Variants in STX8 observed in about 807,000 individuals in gnomAD.
The protein encoded by STX8 is syntaxin 8, also known as syntaxin-8.
STX8 carries 23 observed loss-of-function variants against 37.5 expected under a neutral mutation model. The ratio of observed to expected loss-of-function variants is 0.61; its 90% CI spans 0.44 to 0.87. The LOEUF is 0.87. Among genes scored for constraint, STX8 ranks in the 40% least tolerant of loss-of-function variants. The pLI, the probability that STX8 is intolerant of heterozygous loss-of-function variation, is 0.00. For synonymous variants in STX8, 115 were observed against 99.1 expected, an observed-to-expected ratio of 1.16 and a Z score of -0.95; for missense variants, 313 against 284.7, an observed-to-expected ratio of 1.10 and a Z score of -0.71.
intron 7 of STX8, among the ~76,000 whole-genome samples, chr17:9,276,632 T>G (rs149081559): frequency 0.029 from 4,338 of 151,204 alleles, 212 homozygotes; most frequent in African/African-American, 0.098. Context: ...TTGTTTGTTT[T>G]TTTTTTTTGG....
At chr17:9,557,209 C>T (rs886512364) in intron 3 of STX8, 1 of 464,788 alleles carries the variant, frequency 2.2e-6, no homozygotes, top group Non-Finnish European at 4.0e-6. Context: ...ACAGGTTATA[C>T]CCAAATAAGT....
intron 7 of STX8, among the ~76,000 whole-genome samples, chr17:9,294,316 C>G (rs562374989): frequency 6.6e-6 from 1 of 152,202 alleles, no homozygotes; most frequent in Non-Finnish European, 1.5e-5. Context: ...GAAGAGAACT[C>G]GTATTTTCTG....
chr17:9,554,531 A>C (rs1254475414), intron 3 of STX8: 3 of 152,208 alleles, frequency 2.0e-5, no homozygotes, highest in Non-Finnish European at 4.4e-5. Flanking sequence ...GGTTAGGGGA[A>C]GGGAAGATGG....
chr17:9,378,331 A>G (rs1911670964), intron 7 of STX8: 1 of 469,616 alleles, frequency 2.1e-6, no homozygotes. Flanking sequence ...ATTAAAAACA[A>G]AAACAACAAC....
At chr17:9,432,529 T>C (rs1253541688) in intron 6 of STX8, among the ~76,000 whole-genome samples, 5 of 152,118 alleles carry the variant, frequency 3.3e-5, no homozygotes, top group Admixed American at 6.5e-5. Context: ...TAGTCACACA[T>C]AGGCCACACT....
intron 5 of STX8, among the ~76,000 whole-genome samples, chr17:9,492,943 A>C (rs1255562166): frequency 6.6e-6 from 1 of 152,088 alleles, no homozygotes; most frequent in Non-Finnish European, 1.5e-5. Flanking sequence ...AAAATACAAA[A>C]AAAAATTAGC....
intron 7 of STX8, among the ~76,000 whole-genome samples, chr17:9,325,693 C>T (rs1333654429): frequency 6.6e-6 from 1 of 152,212 alleles, no homozygotes; most frequent in Non-Finnish European, 1.5e-5. Flanking sequence ...AAATACTTCC[C>T]AGTAGACTGG....
intron 6 of STX8, among the ~76,000 whole-genome samples, chr17:9,431,451 TTG>T (rs1567558222): frequency 6.8e-6 from 1 of 147,380 alleles, no homozygotes; most frequent in African/African-American, 2.5e-5. Context: ...TGTTGTTGTT[TTG>T]TTTTTTTTGT....
Position 9,523,240 on chromosome 17 carries a change from A to T in STX8, c.324-18078T>A, listed in dbSNP as rs550690860. Among the ~76,000 whole-genome samples the T allele has an allele frequency of 4.6e-4, 69 of 150,434 alleles. No individual in the cohort carries two copies. In the South Asian group the frequency reaches 0.012, roughly 27 times the overall value. On this transcript the variant is annotated intron_variant, in intron 4 of 7. Coordinates refer to ENST00000306357, the MANE Select transcript of STX8 (RefSeq NM_004853.3). ...GGCAGGAGAATCACTCGAACCCAGG[A>T]GGCAGAGGTTGCAGTGAGCCGAGAT...
At chr17:9,375,579 G>A (rs1312640522) in intron 7 of STX8, among the ~76,000 whole-genome samples, 4 of 152,096 alleles carry the variant, frequency 2.6e-5, no homozygotes, top group Non-Finnish European at 4.4e-5. Flanking sequence ...TCCTGCTCTA[G>A]ACATATAGTA....
intron 4 of STX8, among the ~76,000 whole-genome samples, chr17:9,514,477 C>T (rs1319068359): frequency 1.3e-5 from 2 of 151,950 alleles, no homozygotes; most frequent in Non-Finnish European, 2.9e-5. Context: ...TGGTGGCGGG[C>T]GCCTGTAATC....
At chr17:9,326,821 G>A (rs1909768327) in intron 7 of STX8, among the ~76,000 whole-genome samples, 1 of 152,210 alleles carries the variant, frequency 6.6e-6, no homozygotes, top group Non-Finnish European at 1.5e-5. Flanking sequence ...AGGCATAACA[G>A]ATTTATTTAA....
intron 6 of STX8, among the ~76,000 whole-genome samples, chr17:9,449,217 T>A (rs1039866676): frequency 6.6e-6 from 1 of 152,144 alleles, no homozygotes; most frequent in African/African-American, 2.4e-5. Context: ...GTGGCTTTAG[T>A]CAAAACTGCC....
chr17:9,488,207 T>A (rs1404781041), intron 6 of STX8, among the ~76,000 whole-genome samples: 1 of 151,908 alleles, frequency 6.6e-6, no homozygotes, highest in South Asian at 2.1e-4. Flanking sequence ...GCGCCTGTAA[T>A]CCCAGCTACT....
intron 6 of STX8, among the ~76,000 whole-genome samples, chr17:9,404,230 G>A (rs1003594301): frequency 1.3e-5 from 2 of 152,062 alleles, no homozygotes; most frequent in Non-Finnish European, 2.9e-5. Context: ...GGTTGGTCTT[G>A]CTGTCTCAGG....
intron 3 of STX8, among the ~76,000 whole-genome samples, chr17:9,549,685 T>C (rs1256686963): frequency 6.7e-6 from 1 of 148,298 alleles, no homozygotes; most frequent in Non-Finnish European, 1.5e-5. Flanking sequence ...CTTTGTTTTA[T>C]ATTTTAATCT....
chr17:9,557,440 T>C lies in STX8; in HGVS notation c.206A>G (p.His69Arg), dbSNP rs769509300. The change falls in exon 3 of 8, where the codon CAT becomes CGT. Residue 69 changes from histidine to arginine, a missense_variant. His to Arg is a conservative substitution (Grantham distance 29). Transcript: ENST00000306357. ...KDLLLRAVST[H>R]QITQLEGDRR... ...GAAATGTTTACATGGATACATCTGA[T>C]GTGTTGACACAGCTCTTAGCAATAA... 1.9e-6 allele frequency: 3 copies of C among 1,612,946 alleles called. No homozygotes were observed. Among genetic ancestry groups the C allele is most frequent in the Non-Finnish European group, 2.5e-6 (3 of 1,178,946 alleles).
chr17:9,429,281 T>C (rs1913754776), intron 6 of STX8, among the ~76,000 whole-genome samples: 1 of 146,790 alleles, frequency 6.8e-6, no homozygotes, highest in Non-Finnish European at 1.5e-5. Context: ...GTTTTATATA[T>C]TATATATAAA....
intron 6 of STX8, among the ~76,000 whole-genome samples, chr17:9,455,670 C>A (rs1241602307): frequency 6.6e-6 from 1 of 151,846 alleles, no homozygotes; most frequent in Non-Finnish European, 1.5e-5. Context: ...TGAATAAAAA[C>A]AGTAAGATTT....
Sources: gnomAD v4.1 joint callset for allele counts (sites outside exome capture counted in the v4.1 genomes callset) on GRCh38, gnomAD v4.1.1 for gene constraint, MANE v1.5 for transcripts, NCBI Gene and HGNC (gene_info 2026-07-23, HGNC 2026-07-21) for gene names.